The following GRID2 variants were observed in gnomAD, a reference collection of about 807,000 sequenced individuals.
GRID2 encodes glutamate ionotropic receptor delta type subunit 2, also known as glutamate receptor ionotropic, delta-2.
A neutral mutation model predicts 114.8 loss-of-function variants in GRID2; 33 were observed. That is an observed-to-expected ratio of 0.29 (90% confidence interval 0.22 to 0.38). The LOEUF (loss-of-function observed/expected upper bound fraction) is 0.38. Ranked by LOEUF, GRID2 falls within the 10% of genes least tolerant of loss-of-function variation. The pLI, the probability that GRID2 is intolerant of heterozygous loss-of-function variation, is 1.00. For missense variants in GRID2, 1,184 were observed against 1,257.7 expected, an observed-to-expected ratio of 0.94 and a Z score of 0.89; for synonymous variants, 505 against 449.9, an observed-to-expected ratio of 1.12 and a Z score of -1.55.
Position 92,942,252 on chromosome 4 carries a change from C to G in GRID2, c.245-142743C>G, listed in dbSNP as rs191162735. On this transcript the variant is annotated intron_variant, in intron 2 of 15. Transcript: ENST00000282020. The stretch of plus-strand genomic sequence containing the variant: ...GACTTGCTTTATGAATCTGGGTGCT[C>G]CTGTATTGGGTGCATATATATTTAG... 4.1e-3 allele frequency among the ~76,000 whole-genome samples: 598 copies of G among 146,690 alleles called. 5 individuals carry two copies. Among genetic ancestry groups the G allele is most frequent in the Non-Finnish European group, 6.6e-3 (438 of 66,044 alleles).
rs535743170 is a variant in GRID2 at position 92,631,444 on chromosome 4, C to T, written c.244+41158C>T. Among the ~76,000 whole-genome samples the T allele has an allele frequency of 2.2e-4, 33 of 152,120 alleles. No homozygotes were observed. In the South Asian group the frequency reaches 2.9e-3, roughly 13 times the overall value. On this transcript the variant is annotated intron_variant, in intron 2 of 15. Transcript: ENST00000282020. ...TATTATGTGTTTTTAAAATTTAAAT[C>T]TTTTTAAAATTTAAAACATTTATGT...
In GRID2 at chr4:93,699,281, C is replaced by G. The variant is rs1013385158; in HGVS notation, c.2361-69929C>G. 3.3e-5 allele frequency among the ~76,000 whole-genome samples: 5 copies of G among 152,116 alleles called. No homozygotes were observed. In the East Asian group the frequency reaches 9.6e-4, roughly 29 times the overall value. On this transcript the variant is annotated intron_variant, in intron 14 of 15. Transcript: ENST00000282020. ...TGAAGTAAAGACAATTGAACAGATA[C>G]AATTAGACCATGTCAAAATTGTTAA...
At chr4:92,954,454 T>A (rs1336423443) in intron 2 of GRID2, among the ~76,000 whole-genome samples, 1 of 151,752 alleles carries the variant, frequency 6.6e-6, no homozygotes, top group Non-Finnish European at 1.5e-5. Context: ...TGAGACGGAG[T>A]CTCACTCTGT....
At chr4:93,077,837 A>G (rs1729472569) in intron 2 of GRID2, among the ~76,000 whole-genome samples, 1 of 152,204 alleles carries the variant, frequency 6.6e-6, no homozygotes, top group African/African-American at 2.4e-5. Flanking sequence ...CTTTCTAAAC[A>G]CAGTGTTAAG....
chr4:92,973,061 A>G (rs548837408), intron 2 of GRID2, among the ~76,000 whole-genome samples: 64 of 152,282 alleles, frequency 4.2e-4, no homozygotes, highest in African/African-American at 1.5e-3. Context: ...TAGTGTTGCA[A>G]TGAACATATG....
chr4:93,228,968 T>C (rs1347237791), intron 7 of GRID2, among the ~76,000 whole-genome samples: 1 of 152,166 alleles, frequency 6.6e-6, no homozygotes, highest in African/African-American at 2.4e-5. Flanking sequence ...TTTAATACAA[T>C]AATTATGAAA....
intron 14 of GRID2, among the ~76,000 whole-genome samples, chr4:93,732,514 G>T (rs908421642): frequency 1.3e-5 from 2 of 152,072 alleles, no homozygotes; most frequent in Non-Finnish European, 2.9e-5. Flanking sequence ...GCTGTTTACA[G>T]GAATATATTT....
intron 1 of GRID2, among the ~76,000 whole-genome samples, chr4:92,442,383 C>T (rs568946103): frequency 1.2e-3 from 189 of 152,096 alleles, no homozygotes; most frequent in African/African-American, 1.7e-3. Flanking sequence ...TTCCGGGCTG[C>T]GGGCATTCCT....
intron 2 of GRID2, among the ~76,000 whole-genome samples, chr4:92,989,976 G>A (rs546520418): frequency 4.7e-4 from 72 of 152,148 alleles, no homozygotes; most frequent in African/African-American, 1.6e-3. Context: ...AACCTAGATG[G>A]GAGGAATTTA....
intron 1 of GRID2, among the ~76,000 whole-genome samples, chr4:92,573,738 G>C (rs1468584948): frequency 6.6e-6 from 1 of 152,130 alleles, no homozygotes; most frequent in Non-Finnish European, 1.5e-5. Flanking sequence ...CCAATTATGT[G>C]ATTGATTTTA....
chr4:93,670,007 C>G (rs1329218191), intron 14 of GRID2, among the ~76,000 whole-genome samples: 1 of 151,968 alleles, frequency 6.6e-6, no homozygotes, highest in African/African-American at 2.4e-5. Context: ...GATGAACTTC[C>G]CAGGATAAAT....
chr4:93,045,046 T>G (rs1164352881), intron 2 of GRID2, among the ~76,000 whole-genome samples: 1 of 152,130 alleles, frequency 6.6e-6, no homozygotes, highest in East Asian at 1.9e-4. Context: ...TGTGTTATAT[T>G]TTTGTGTAGG....
intron 13 of GRID2, among the ~76,000 whole-genome samples, chr4:93,542,269 T>C (rs1396459817): frequency 6.6e-6 from 1 of 152,170 alleles, no homozygotes; most frequent in African/African-American, 2.4e-5. Context: ...TTAATGTTTA[T>C]TGAGTAAAAT....
intron 2 of GRID2, among the ~76,000 whole-genome samples, chr4:92,928,276 G>A (rs146581814): frequency 2.6e-5 from 4 of 151,714 alleles, no homozygotes; most frequent in African/African-American, 4.8e-5. Context: ...AGAGTAAAAA[G>A]TAGAGGGCTG....
intron 1 of GRID2, among the ~76,000 whole-genome samples, chr4:92,563,914 G>A (rs529193411): frequency 1.3e-5 from 2 of 151,852 alleles, no homozygotes; most frequent in Admixed American, 6.6e-5. Flanking sequence ...CTTTTCTTAC[G>A]CTGTTCCTTT....
At chr4:92,372,968 CATCTT>C (rs1206133137) in intron 1 of GRID2, among the ~76,000 whole-genome samples, 1 of 152,112 alleles carries the variant, frequency 6.6e-6, no homozygotes, top group African/African-American at 2.4e-5. Context: ...ACCAGAAACT[CATCTT>C]TATTCAAACA....
intron 13 of GRID2, among the ~76,000 whole-genome samples, chr4:93,616,664 T>C (rs1415059873): frequency 1.3e-5 from 2 of 150,268 alleles, no homozygotes; most frequent in African/African-American, 2.4e-5. Context: ...TTGCTTAAAT[T>C]TACACTTGCA....
At chr4:93,508,342 A>G (rs1168622199) in intron 12 of GRID2, among the ~76,000 whole-genome samples, 3 of 151,574 alleles carry the variant, frequency 2.0e-5, no homozygotes, top group East Asian at 3.9e-4. Flanking sequence ...GACTGCAGGC[A>G]CCCACCACCA....
At chr4:92,764,174 C>A (rs552196661) in intron 2 of GRID2, among the ~76,000 whole-genome samples, 1 of 152,200 alleles carries the variant, frequency 6.6e-6, no homozygotes, top group East Asian at 1.9e-4. Context: ...AGCAGCACAC[C>A]ACTGGCGAGA....
Sources: allele counts gnomAD v4.1 joint callset (sites outside exome capture counted in the v4.1 genomes callset), GRCh38; gene constraint gnomAD v4.1.1; transcripts MANE v1.5; gene names NCBI Gene and HGNC (gene_info 2026-07-23, HGNC 2026-07-21).